GTF2F2: variants seen among roughly 807,000 people sequenced by gnomAD.
The protein encoded by GTF2F2 is general transcription factor IIF subunit 2, also known as ATP-dependent helicase GTF2F2.
GTF2F2 carries 23 observed loss-of-function variants against 42.2 expected under a neutral mutation model. The ratio of observed to expected loss-of-function variants is 0.55; its 90% confidence interval spans 0.39 to 0.77. GTF2F2 has a LOEUF of 0.77. GTF2F2 is among the 30% of genes least tolerant of loss of function. GTF2F2 has a pLI of 0.00. For synonymous variants in GTF2F2, 105 were observed against 100.8 expected (o/e 1.04, Z -0.25); for missense variants, 261 against 287.2 (o/e 0.91, Z 0.66).
At position 45,274,807 on chromosome 13, in the gene GTF2F2, G is replaced by A. The variant is rs549427867; in HGVS notation, c.630+7431G>A. On this transcript the variant is annotated intron_variant, in intron 7 of 7. Transcript: ENST00000340473. ...AAAACACAAAAATTAGCCAGGCATG[G>A]TGGCATGTGCCTATAGTTCCCGGCT... 3.0e-4 allele frequency among the ~76,000 whole-genome samples: 46 copies of A among 152,142 alleles called. 1 individual carries two copies. Among genetic ancestry groups the A allele is most frequent in the African/African-American group, 1.0e-3 (42 of 41,490 alleles).
chr13:45,247,038 C>CA (rs752175151), intron 5 of GTF2F2, among the ~76,000 whole-genome samples: 1,208 of 69,678 alleles, frequency 0.017, 16 homozygotes, highest in African/African-American at 0.054. Context: ...GACTCTGTCT[C>CA]AAAAAAAAAA....
At chr13:45,158,722 G>A (rs1160472789) in intron 4 of GTF2F2, among the ~76,000 whole-genome samples, 2 of 152,198 alleles carry the variant, frequency 1.3e-5, no homozygotes, top group African/African-American at 4.8e-5. Context: ...AACCTTGTGG[G>A]CAGAGGACTG....
intron 5 of GTF2F2, among the ~76,000 whole-genome samples, chr13:45,245,224 A>T (rs1384095428): frequency 6.6e-6 from 1 of 152,202 alleles, no homozygotes; most frequent in Non-Finnish European, 1.5e-5. Context: ...TTTTACAGAG[A>T]TGTAGTCTGT....
At chr13:45,251,801 G>A (rs1190345226) in intron 5 of GTF2F2, among the ~76,000 whole-genome samples, 1 of 151,886 alleles carries the variant, frequency 6.6e-6, no homozygotes, top group East Asian at 1.9e-4. Context: ...CTCTTCAATT[G>A]TAATCTAACT....
At chr13:45,270,855 T>C (rs942523438) in intron 7 of GTF2F2, among the ~76,000 whole-genome samples, 1 of 152,184 alleles carries the variant, frequency 6.6e-6, no homozygotes, top group Non-Finnish European at 1.5e-5. Context: ...ATATAAACCA[T>C]TAAAAACTTT....
At chr13:45,268,490 A>G (rs1876659787) in intron 7 of GTF2F2, among the ~76,000 whole-genome samples, 1 of 152,156 alleles carries the variant, frequency 6.6e-6, no homozygotes. Flanking sequence ...CAAAAGATTT[A>G]CTTTTTAATA....
At chr13:45,235,041 CAAAAAAAAA>C (rs61077504) in intron 5 of GTF2F2, among the ~76,000 whole-genome samples, 1 of 43,704 alleles carries the variant, frequency 2.3e-5, no homozygotes, top group East Asian at 1.1e-3. Flanking sequence ...GCGGGAAACT[CAAAAAAAAA>C]AAAAAAAAAA....
chr13:45,133,775 C>T (rs945003526), intron 1 of GTF2F2, among the ~76,000 whole-genome samples: 6 of 152,314 alleles, frequency 3.9e-5, no homozygotes, highest in South Asian at 4.1e-4. Flanking sequence ...TCGCTGCATT[C>T]GTGCCACTGT....
At chr13:45,266,916 G>A (rs572349881) in intron 6 of GTF2F2, among the ~76,000 whole-genome samples, 30 of 152,324 alleles carry the variant, frequency 2.0e-4, no homozygotes, top group South Asian at 2.1e-4. Flanking sequence ...GGGAGGCTGA[G>A]GCAGGTGGAT....
At chr13:45,175,732 C>T (rs1326559031) in intron 4 of GTF2F2, among the ~76,000 whole-genome samples, 1 of 152,170 alleles carries the variant, frequency 6.6e-6, no homozygotes, top group Non-Finnish European at 1.5e-5. Context: ...AGGTGATTCT[C>T]CTGCCTCAGC....
chr13:45,168,647 C>CT (rs1871419010), intron 4 of GTF2F2, among the ~76,000 whole-genome samples: 1 of 152,100 alleles, frequency 6.6e-6, no homozygotes, highest in African/African-American at 2.4e-5. Context: ...GGTTTTCACT[C>CT]TGTCACCCAG....
intron 6 of GTF2F2, 118 bp from the exon 7 acceptor site, chr13:45,267,115 C>A (rs111495134): frequency 2.6e-6 from 2 of 777,014 alleles, no homozygotes; most frequent in African/African-American, 1.8e-5. Flanking sequence ...TGCCACTGCA[C>A]TCCAGCCTGG....
At chr13:45,276,003 T>C (rs1445079503) in intron 7 of GTF2F2, among the ~76,000 whole-genome samples, 2 of 152,204 alleles carry the variant, frequency 1.3e-5, no homozygotes, top group Admixed American at 6.5e-5. Context: ...CAGTATACTT[T>C]AAATCTTTAG....
chr13:45,185,504 C>T (rs1044244305), intron 4 of GTF2F2, among the ~76,000 whole-genome samples: 4 of 152,070 alleles, frequency 2.6e-5, no homozygotes, highest in Non-Finnish European at 5.9e-5. Context: ...TTTTAGTTTT[C>T]GTTTTGTTGT....
chr13:45,165,820 T>C (rs1871269677), intron 4 of GTF2F2, among the ~76,000 whole-genome samples: 4 of 146,358 alleles, frequency 2.7e-5, no homozygotes. Flanking sequence ...TTTTTTTTTT[T>C]TTTTTTTTTT....
chr13:45,128,962 G>T (rs1477877750), intron 1 of GTF2F2, among the ~76,000 whole-genome samples: 1 of 152,094 alleles, frequency 6.6e-6, no homozygotes, highest in Non-Finnish European at 1.5e-5. Context: ...TCTTAAATTT[G>T]CCTTAATGTA....
chr13:45,245,079 AC>A (rs765493824), intron 5 of GTF2F2, among the ~76,000 whole-genome samples: 6 of 152,186 alleles, frequency 3.9e-5, no homozygotes, highest in Admixed American at 2.6e-4. Flanking sequence ...TTCATGTAAA[AC>A]ATTAAGAATT....
intron 4 of GTF2F2, among the ~76,000 whole-genome samples, chr13:45,153,242 TCTC>T (rs1212087639): frequency 2.0e-5 from 3 of 151,632 alleles, no homozygotes; most frequent in Non-Finnish European, 4.4e-5. Flanking sequence ...ATGGTCTCGA[TCTC>T]CTGACCTCGT....
chr13:45,154,271 A>G (rs549900995), intron 4 of GTF2F2, among the ~76,000 whole-genome samples: 1 of 152,186 alleles, frequency 6.6e-6, no homozygotes, highest in Non-Finnish European at 1.5e-5. Context: ...TATTTCTGGT[A>G]CTTCTACAAA....
Sources: gnomAD v4.1 joint callset for allele counts (sites outside exome capture counted in the v4.1 genomes callset) on GRCh38, gnomAD v4.1.1 for gene constraint, MANE v1.5 for transcripts, NCBI Gene and HGNC (gene_info 2026-07-23, HGNC 2026-07-21) for gene names.